NKAIN3: variants seen among roughly 807,000 people sequenced by gnomAD.
The protein encoded by NKAIN3 is sodium/potassium-transporting ATPase subunit beta-1-interacting protein 3.
A neutral mutation model predicts 30.2 loss-of-function variants in NKAIN3; 25 were observed. That is an observed-to-expected ratio of 0.83 (90% CI 0.60 to 1.16). The LOEUF (loss-of-function observed/expected upper bound fraction) is 1.16, where lower values mean the gene tolerates loss of function less well. Ranked by LOEUF, NKAIN3 falls within the 50% of genes most tolerant of loss-of-function variation. The pLI is 0.00. For synonymous variants in NKAIN3, 91 were observed against 89.6 expected (o/e 1.02, Z -0.09); for missense variants, 225 against 254.1 (o/e 0.89, Z 0.78).
intron 1 of NKAIN3, among the ~76,000 whole-genome samples, chr8:62,469,140 C>T (rs1039369450): frequency 6.6e-6 from 1 of 152,114 alleles, no homozygotes; most frequent in Non-Finnish European, 1.5e-5. Context: ...GCCTAGAACC[C>T]CATTCTAAAA....
chr8:62,293,271 TGCTGGCGAGGA>T (rs1338513233), intron 1 of NKAIN3, among the ~76,000 whole-genome samples: 2 of 152,266 alleles, frequency 1.3e-5, no homozygotes, highest in African/African-American at 4.8e-5. Context: ...TTTGTTCCGT[TGCTGGCGAGGA>T]GCTGCGTTCC....
At chr8:62,360,299 A>G (rs1321964083) in intron 1 of NKAIN3, among the ~76,000 whole-genome samples, 1 of 152,228 alleles carries the variant, frequency 6.6e-6, no homozygotes, top group Non-Finnish European at 1.5e-5. Context: ...TGATTATGTC[A>G]TATCAAAGCA....
At chr8:62,624,759 T>C (rs888557777) in intron 3 of NKAIN3, among the ~76,000 whole-genome samples, 2 of 151,780 alleles carry the variant, frequency 1.3e-5, no homozygotes, top group African/African-American at 4.8e-5. Context: ...CATTCTTAGT[T>C]GTCCCATGGT....
At chr8:62,436,939 T>A (rs1400227256) in intron 1 of NKAIN3, among the ~76,000 whole-genome samples, 2 of 152,106 alleles carry the variant, frequency 1.3e-5, no homozygotes, top group Non-Finnish European at 2.9e-5. Flanking sequence ...TAAAATGAAA[T>A]AAAAAATCAT....
At chr8:62,385,119 C>T (rs1049534628) in intron 1 of NKAIN3, among the ~76,000 whole-genome samples, 10 of 152,060 alleles carry the variant, frequency 6.6e-5, no homozygotes, top group Admixed American at 1.3e-4. Context: ...ATCAGGAGTG[C>T]GAGTCCCCCC....
intron 1 of NKAIN3, among the ~76,000 whole-genome samples, chr8:62,546,607 T>G (rs1339259820): frequency 1.3e-5 from 2 of 152,210 alleles, no homozygotes; most frequent in African/African-American, 4.8e-5. Flanking sequence ...GAATTTTCAC[T>G]GTTTTGGTGT....
intron 1 of NKAIN3, among the ~76,000 whole-genome samples, chr8:62,501,074 T>A (rs1807437158): frequency 6.6e-6 from 1 of 152,238 alleles, no homozygotes; most frequent in Admixed American, 6.5e-5. Context: ...TTTCTAGTTA[T>A]TCCATTTATG....
chr8:62,266,297 C>T (rs1812595176), intron 1 of NKAIN3, among the ~76,000 whole-genome samples: 1 of 152,154 alleles, frequency 6.6e-6, no homozygotes. Flanking sequence ...TGAAAACAAT[C>T]ATAAAACCAC....
chr8:62,377,025 T>G (rs4738965), intron 1 of NKAIN3, among the ~76,000 whole-genome samples: 21,061 of 152,150 alleles, frequency 0.14, 1,744 homozygotes, highest in East Asian at 0.4. Flanking sequence ...TTTTCATGAA[T>G]TTCAAGAAGT....
intron 5 of NKAIN3, among the ~76,000 whole-genome samples, chr8:62,994,312 A>G (rs1804052851): frequency 6.6e-6 from 1 of 152,160 alleles, no homozygotes; most frequent in African/African-American, 2.4e-5. Context: ...GTGCTGGAGT[A>G]TTTCCAAGAT....
intron 3 of NKAIN3, among the ~76,000 whole-genome samples, chr8:62,665,366 T>TAA (rs1167703819): frequency 1.4e-5 from 2 of 142,632 alleles, no homozygotes; most frequent in African/African-American, 2.6e-5. Context: ...AGATTTACCA[T>TAA]AAAAAAAAAA....
intron 4 of NKAIN3, among the ~76,000 whole-genome samples, chr8:62,842,215 A>G (rs1819553372): frequency 6.6e-6 from 1 of 152,058 alleles, no homozygotes; most frequent in Non-Finnish European, 1.5e-5. Context: ...CTTACTAGAT[A>G]TATGAGCTAT....
intron 1 of NKAIN3, among the ~76,000 whole-genome samples, chr8:62,275,434 G>C (rs1335816103): frequency 6.6e-6 from 1 of 152,146 alleles, no homozygotes; most frequent in Non-Finnish European, 1.5e-5. Context: ...AAAAAGTGGA[G>C]AAAGAAATTT....
intron 5 of NKAIN3, among the ~76,000 whole-genome samples, chr8:62,930,991 G>A (rs1822604344): frequency 1.3e-5 from 2 of 152,204 alleles, no homozygotes; most frequent in Non-Finnish European, 2.9e-5. Context: ...ACAGGCGTAA[G>A]CCACCACACT....
At chr8:62,539,651 G>T (rs962805291) in intron 1 of NKAIN3, among the ~76,000 whole-genome samples, 1 of 152,116 alleles carries the variant, frequency 6.6e-6, no homozygotes, top group Admixed American at 6.5e-5. Context: ...GTGCAGTGGT[G>T]CAATCATGGC....
chr8:62,315,004 A>C (rs1814566003), intron 1 of NKAIN3, among the ~76,000 whole-genome samples: 1 of 152,078 alleles, frequency 6.6e-6, no homozygotes, highest in Non-Finnish European at 1.5e-5. Flanking sequence ...AGCTTATAGG[A>C]CTTTACTGGG....
intron 3 of NKAIN3, among the ~76,000 whole-genome samples, chr8:62,668,517 T>C (rs903183130): frequency 6.6e-6 from 1 of 152,170 alleles, no homozygotes; most frequent in Admixed American, 6.6e-5. Flanking sequence ...CAGAGTTCTT[T>C]CCATTACACC....
chr8:62,311,203 G>A (rs1814416804), intron 1 of NKAIN3, among the ~76,000 whole-genome samples: 1 of 150,572 alleles, frequency 6.6e-6, no homozygotes, highest in South Asian at 2.1e-4. Context: ...GACATTTTAT[G>A]TCTTCAATTT....
At chr8:62,304,967 G>A (rs1444477362) in intron 1 of NKAIN3, among the ~76,000 whole-genome samples, 1 of 150,410 alleles carries the variant, frequency 6.6e-6, no homozygotes, top group Non-Finnish European at 1.5e-5. Context: ...TCAGTTCTAG[G>A]CCTCATTAGC....
Sources: gnomAD v4.1 joint callset for allele counts (sites outside exome capture counted in the v4.1 genomes callset) on GRCh38, gnomAD v4.1.1 for gene constraint, MANE v1.5 for transcripts, NCBI Gene and HGNC (gene_info 2026-07-23, HGNC 2026-07-21) for gene names.